HSPA12B: variants seen among roughly 807,000 people sequenced by gnomAD.
HSPA12B encodes the protein heat shock protein family A (Hsp70) member 12B.
Under a neutral mutation model 69.3 loss-of-function variants are expected in HSPA12B, and 54 were observed. That is an observed-to-expected ratio of 0.78 (90% CI 0.63 to 0.98). The LOEUF is 0.98. Among genes scored for constraint, HSPA12B ranks in the 50% least tolerant of loss-of-function variants. The pLI is 0.00. For synonymous variants in HSPA12B, 441 were observed against 436.5 expected, an observed-to-expected ratio of 1.01 and a Z score of -0.13; for missense variants, 929 against 999.8, an observed-to-expected ratio of 0.93 and a Z score of 0.96.
Position 3,752,337 on chromosome 20 carries a change from C to T in HSPA12B, c.*171C>T. 1 of 606,714 alleles carries T rather than the reference C, an allele frequency of 1.6e-6. No homozygotes were observed. Among genetic ancestry groups the T allele is most frequent in the Non-Finnish European group, 2.6e-6 (1 of 387,368 alleles). 37.6% of individuals were successfully genotyped at this position (606,714 alleles called of 1,614,324 possible). ...ATGGGAGAGTGGGTGGGGACACACC[C>T]AGAGACTGGCTTTGGGATTGGGCAC... On this transcript the variant is annotated 3_prime_UTR_variant, in exon 13 of 13. Transcript: ENST00000254963.
rs139310351 is a variant in HSPA12B, at chr20:3,750,137, G to T, written c.1211G>T (p.Gly404Val). The change falls in exon 11 of 13, where the codon GGG becomes GTG. Residue 404 changes from glycine to valine, a missense_variant. By Grantham distance (109) the Gly-to-Val change is moderately radical. Transcript: ENST00000254963. ...RKRTAGPHRA[G>V]ALNISLPFSF... ...CGCACTGCTGGCCCACACCGTGCAG[G>T]GGCGCTCAACATCTCGCTGCCCTTC... is the stretch of plus-strand genomic sequence containing the variant. 2.5e-6 allele frequency: 4 copies of T among 1,611,870 alleles called. No individual in the cohort carries two copies. The African/African-American group carries it at 4.0e-5, about 16-fold the overall frequency.
rs1418949068 is a variant in HSPA12B, at chr20:3,752,870, T to C, written c.*704T>C. The C allele has an allele frequency of 6.5e-6, 1 of 153,694 alleles. No homozygotes were observed. Among genetic ancestry groups the C allele is most frequent in the Non-Finnish European group, 1.5e-5 (1 of 68,062 alleles). The allele number at this position is 153,694 out of a possible 1,614,324, so 9.5% of individuals were successfully genotyped here. A position where few individuals can be genotyped will look rare whatever the true frequency, so the allele number is the denominator to read the frequency against. ...AAGGTCAGCTTATGAAGGACCCCAC[T>C]TGCACCCCACCCCAGCCATGGAAGA... is the stretch of plus-strand genomic sequence containing the variant. On this transcript the variant is annotated 3_prime_UTR_variant, in exon 13 of 13. Coordinates refer to ENST00000254963, the MANE Select transcript of HSPA12B (RefSeq NM_052970.5).
At chr20:3,743,507 T>C (rs949847088) in intron 4 of HSPA12B, among the ~76,000 whole-genome samples, 1 of 152,150 alleles carries the variant, frequency 6.6e-6, no homozygotes, top group Non-Finnish European at 1.5e-5. Flanking sequence ...CACAAATATT[T>C]TTCTAAGCTT....
At chr20:3,751,392 A>G in intron 12 of HSPA12B, 119 bp from the exon 13 acceptor site, 1 of 1,346,536 alleles carries the variant, frequency 7.4e-7, no homozygotes, top group Non-Finnish European at 9.5e-7. Flanking sequence ...GTCGCCAGGT[A>G]GGTACAGGCT....
chr20:3,735,195 T>C (rs1227238683), intron 1 of HSPA12B, among the ~76,000 whole-genome samples: 1 of 152,212 alleles, frequency 6.6e-6, no homozygotes, highest in East Asian at 1.9e-4. Flanking sequence ...TCCCTGCTTT[T>C]ATCAATACCT....
chr20:3,744,800 C>A lies in HSPA12B; in HGVS notation c.267-102C>A. 1 of 1,105,002 alleles carries A rather than the reference C, an allele frequency of 9.0e-7. No individual in the cohort carries two copies. Among genetic ancestry groups the A allele is most frequent in the Non-Finnish European group, 1.3e-6 (1 of 758,234 alleles). 68.4% of individuals were successfully genotyped at this position (1,105,002 alleles called of 1,614,324 possible). On this transcript the variant is annotated intron_variant, in intron 4 of 12. Transcript: ENST00000254963. The surrounding 1 kb of genome is among the most constrained non-coding windows in gnomAD (Gnocchi z 4.9). ...ATGGAGCCGACCCATAGCTAGTTCT[C>A]CCTGCTCTTTCACATCTGTAAGTTT...
At chr20:3,751,324 G>C in intron 12 of HSPA12B, 187 bp from the exon 13 acceptor site, 1 of 985,466 alleles carries the variant, frequency 1.0e-6, no homozygotes, top group South Asian at 4.7e-5. Flanking sequence ...TTGGGGAGGC[G>C]AAGCCCTCGA....
Position 3,740,906 on chromosome 20 carries a change from G to A in HSPA12B, c.135G>A (p.Gln45=). The A allele has an allele frequency of 6.2e-7, 1 of 1,612,438 alleles. No homozygotes were observed. ...GCATTGCCCCCCTCACACCCTCGCA[G>A]TCTCCAGTAAGCCCAGAGCAGGGAC... The part of the protein sequence containing the change: ...SCGIAPLTPS[Q]SPKPEVRAPQ... Residue 45 remains glutamine, a synonymous_variant, in exon 3 of 13, where the codon CAG becomes CAA. Transcript: ENST00000254963. This position sits in a 1 kb window ranked among gnomAD's most constrained non-coding sequence, Gnocchi z 4.9.
At position 3,749,385 on chromosome 20, in the gene HSPA12B, A is replaced by AAGGGGGACGGAGTGTTATCCTT; in HGVS notation, c.937+67_937+68insAGGGGGACGGAGTGTTATCCTT. 1 of 1,407,058 alleles carries AAGGGGGACGGAGTGTTATCCTT rather than the reference A, an allele frequency of 7.1e-7. No homozygotes were observed. The highest frequency in any genetic ancestry group is 1.9e-5 in the Admixed American group (1 of 53,578). The allele number at this position is 1,407,058 out of a possible 1,614,324, so 87.2% of individuals were successfully genotyped here. The stretch of plus-strand genomic sequence containing the variant: ...CGGGCACCATATACTGATGGGGGGA[A>AAGGGGGACGGAGTGTTATCCTT]GGGCATGTTTGCAAAGCCCGTCTCT... On this transcript the variant is annotated intron_variant, in intron 9 of 12. Transcript: ENST00000254963. This position sits in a 1 kb window ranked among gnomAD's most constrained non-coding sequence, Gnocchi z 5.5.
Position 3,734,027 on chromosome 20 carries a change from G to A in HSPA12B, c.-18+1233G>A, listed in dbSNP as rs550613439. Among the ~76,000 whole-genome samples the A allele has an allele frequency of 5.3e-5, 8 of 152,348 alleles. No homozygotes were observed. In the Middle Eastern group the frequency reaches 0.014, roughly 259 times the overall value. On this transcript the variant is annotated intron_variant, in intron 1 of 12. Transcript: ENST00000254963. ...CTGTCAGGCAAAGGGTTGGGCCCCTGCAAGGTGGCTCACGCCTGTAATCCC... is the reference window on the plus strand; with the variant it reads ...CTGTCAGGCAAAGGGTTGGGCCCCTACAAGGTGGCTCACGCCTGTAATCCC...
chr20:3,751,936 TGCGCGGCAGAGGATGC>T lies in HSPA12B; in HGVS notation c.1836_1851del (p.Ala613SerfsTer101). The T allele has an allele frequency of 6.3e-7, 1 of 1,587,934 alleles. No homozygotes were observed. The highest frequency in any genetic ancestry group is 8.5e-7 in the Non-Finnish European group (1 of 1,171,976). ...GCGCGTACTCATCAACCTGTACTGC[TGCGCGGCAGAGGATGC>T]GCGCTTCATCACCGACCCCGGCGTG... On this transcript the variant is annotated frameshift_variant, in exon 13 of 13. Transcript: ENST00000254963. LOFTEE classifies it high-confidence loss of function.
chr20:3,742,234 TG>T, intron 3 of HSPA12B, 49 bp from the exon 4 acceptor site: 2 of 1,599,378 alleles, frequency 1.3e-6, no homozygotes. Context: ...CTGTGGGGGA[TG>T]GGGGTGTCCC....
rs1035258024 is a variant in HSPA12B at position 3,740,756 on chromosome 20, G to T, written c.44-59G>T. ...AGAACCTTTGGGTGCCTGGCTTGGG[G>T]CCCCGCTGCCATACCTACCCTGCTT... On this transcript the variant is annotated intron_variant, in intron 2 of 12. Coordinates refer to ENST00000254963, the MANE Select transcript of HSPA12B (RefSeq NM_052970.5). The surrounding 1 kb of genome is among the most constrained non-coding windows in gnomAD (Gnocchi z 4.9). 5.5e-6 allele frequency: 8 copies of T among 1,456,504 alleles called. No individual in the cohort carries two copies. In the Admixed American group the frequency reaches 7.4e-5, roughly 13 times the overall value. 90.2% of individuals were successfully genotyped at this position (1,456,504 alleles called of 1,614,324 possible). A position where few individuals can be genotyped will look rare whatever the true frequency, so the allele number is the denominator to read the frequency against.
At chr20:3,739,771 C>A (rs185642830) in intron 2 of HSPA12B, among the ~76,000 whole-genome samples, 1 of 152,304 alleles carries the variant, frequency 6.6e-6, no homozygotes, top group East Asian at 1.9e-4. Context: ...CCTGGCAGCA[C>A]GTGACAGGAC....
At chr20:3,736,851 C>T (rs1306717962) in intron 1 of HSPA12B, among the ~76,000 whole-genome samples, 2 of 152,026 alleles carry the variant, frequency 1.3e-5, no homozygotes, top group African/African-American at 2.4e-5. Context: ...GGTGAAACCC[C>T]GACTCTACTA....
In HSPA12B at chr20:3,752,297, G is replaced by GGAGGAGTGGA. The variant is rs2088443207; in HGVS notation, c.*132_*133insAGGAGTGGAG. 1 of 904,270 alleles carries GGAGGAGTGGA rather than the reference G, an allele frequency of 1.1e-6. No individual in the cohort carries two copies. Among genetic ancestry groups the GGAGGAGTGGA allele is most frequent in the Admixed American group, 3.7e-5 (1 of 27,042 alleles). 56.0% of individuals were successfully genotyped at this position (904,270 alleles called of 1,614,324 possible). A position where few individuals can be genotyped will look rare whatever the true frequency, so the allele number is the denominator to read the frequency against. Reference sequence around the variant, plus strand: ...GCGCCTTTCCACGCCCTCCAGCCCCGGGGGAGATAAGGTCATGGGAGAGTG... The same window carrying GGAGGAGTGGA: ...GCGCCTTTCCACGCCCTCCAGCCCCGGAGGAGTGGAGGGGAGATAAGGTCATGGGAGAGTG... On this transcript the variant is annotated 3_prime_UTR_variant, in exon 13 of 13. Transcript: ENST00000254963.
At position 3,745,849 on chromosome 20, in the gene HSPA12B, C is replaced by T. The variant is rs2088291167; in HGVS notation, c.559-66C>T. On this transcript the variant is annotated intron_variant, in intron 6 of 12. Coordinates refer to ENST00000254963, the MANE Select transcript of HSPA12B (RefSeq NM_052970.5). The surrounding 1 kb of genome is among the most constrained non-coding windows in gnomAD (Gnocchi z 5.6). Reference sequence around the variant, plus strand: ...GTGATTTGATTAGTACCTCCAGTTCCGCAGAGGGCTGAAGACCACCCTCCC... The same window carrying T: ...GTGATTTGATTAGTACCTCCAGTTCTGCAGAGGGCTGAAGACCACCCTCCC... 9 of 1,373,624 alleles carry T rather than the reference C, an allele frequency of 6.6e-6. No homozygotes were observed. The highest frequency in any genetic ancestry group is 9.4e-6 in the Non-Finnish European group (9 of 961,052). 85.1% of individuals were successfully genotyped at this position (1,373,624 alleles called of 1,614,324 possible).
At chr20:3,734,552 C>T (rs1185225441) in intron 1 of HSPA12B, among the ~76,000 whole-genome samples, 5 of 152,116 alleles carry the variant, frequency 3.3e-5, no homozygotes, top group Non-Finnish European at 7.3e-5. Flanking sequence ...CGGGGCTCAG[C>T]CTCCCCTCAT....
rs761958101 is a variant in HSPA12B at position 3,745,636 on chromosome 20, C to G, written c.558+39C>G. On this transcript the variant is annotated intron_variant, in intron 6 of 12. Transcript: ENST00000254963. The surrounding 1 kb of genome is among the most constrained non-coding windows in gnomAD (Gnocchi z 5.6). Reference sequence around the variant, plus strand: ...CCACCTCTGCCGACTGTGGCAGGGACCCCCTATTTTCCCCTCATCCGAAAC... The same window carrying G: ...CCACCTCTGCCGACTGTGGCAGGGAGCCCCTATTTTCCCCTCATCCGAAAC... The G allele has an allele frequency of 6.4e-7, 1 of 1,563,328 alleles. No homozygotes were observed. The highest frequency in any genetic ancestry group is 2.2e-5 in the East Asian group (1 of 44,586).
Sources: allele counts gnomAD v4.1 joint callset (sites outside exome capture counted in the v4.1 genomes callset), GRCh38; gene constraint gnomAD v4.1.1; non-coding constraint Gnocchi (gnomAD v3.1); transcripts MANE v1.5; gene names NCBI Gene and HGNC (gene_info 2026-07-23, HGNC 2026-07-21).